Variants in MRGPRX3 observed in about 807,000 individuals in gnomAD.
The protein encoded by MRGPRX3 is mas-related G protein-coupled receptor member X3.
A neutral mutation model predicts 16.5 loss-of-function variants in MRGPRX3; 14 were observed. The observed-to-expected ratio is 0.85, with a 90% confidence interval of 0.56 to 1.33. The LOEUF is 1.33. Ranked by LOEUF, MRGPRX3 falls within the 40% of genes most tolerant of loss-of-function variation. The pLI, the probability that MRGPRX3 is intolerant of heterozygous loss-of-function variation, is 0.00. For synonymous variants in MRGPRX3, 199 were observed against 180.1 expected, an observed-to-expected ratio of 1.10 and a Z score of -0.84; for missense variants, 449 against 413.0, an observed-to-expected ratio of 1.09 and a Z score of -0.76.
At position 18,137,451 on chromosome 11, in the gene MRGPRX3, G is replaced by T; in HGVS notation, c.249G>T (p.Ser83=). Residue 83 remains serine, a synonymous_variant, in exon 2 of 2, where the codon TCG becomes TCT. Coordinates refer to ENST00000621697, the MANE Select transcript of MRGPRX3 (RefSeq NM_001370464.1). ...TCCTTAGCGGCCACATTATATGTTC[G>T]CCGTTACGCCTCATCAATATCCGCC... ...FLFLSGHIIC[S]PLRLINIRHP... is the part of the protein sequence containing the mutation. 3.1e-6 allele frequency: 5 copies of T among 1,614,058 alleles called. No individual in the cohort carries two copies. The highest frequency in any genetic ancestry group is 4.2e-6 in the Non-Finnish European group (5 of 1,180,016).
upstream of MRGPRX3, among the ~76,000 whole-genome samples, chr11:18,128,745 C>T (rs1848929381): frequency 6.6e-6 from 1 of 152,208 alleles, no homozygotes; most frequent in African/African-American, 2.4e-5. Flanking sequence ...TGATGTCTCG[C>T]CCTGCTTCGG....
At chr11:18,130,965 A>G (rs1351541496), upstream of MRGPRX3, among the ~76,000 whole-genome samples, 1 of 152,226 alleles carries the variant, frequency 6.6e-6, no homozygotes, top group Non-Finnish European at 1.5e-5. Context: ...TGGTGCTGAG[A>G]TTATTGGCAA....
chr11:18,135,894 A>G (rs1229037275), intron 1 of MRGPRX3, among the ~76,000 whole-genome samples: 2 of 152,130 alleles, frequency 1.3e-5, no homozygotes, highest in African/African-American at 2.4e-5. Context: ...CTCTAATTTC[A>G]TTATCTGCAA....
At chr11:18,121,590 GGATGGT>G (rs1403796517) in intron 1 of MRGPRX3, among the ~76,000 whole-genome samples, 14 of 152,360 alleles carry the variant, frequency 9.2e-5, no homozygotes, top group Admixed American at 8.5e-4. Context: ...TTGAGAAATC[GGATGGT>G]TGCCGTGTCT....
At chr11:18,122,880 T>C (rs1361639204) in intron 1 of MRGPRX3, among the ~76,000 whole-genome samples, 3 of 152,238 alleles carry the variant, frequency 2.0e-5, no homozygotes, top group Non-Finnish European at 2.9e-5. Context: ...ATTGCCATTC[T>C]AACTGGTGTG....
chr11:18,134,436 A>C (rs1466515121), intron 1 of MRGPRX3, among the ~76,000 whole-genome samples: 3 of 152,360 alleles, frequency 2.0e-5, no homozygotes, highest in Admixed American at 2.0e-4. Context: ...ACAAGAACTT[A>C]TATAGCATTT....
In MRGPRX3 at chr11:18,138,043, C is replaced by T. The variant is rs758794571; in HGVS notation, c.841C>T (p.Arg281Cys). ...CTTCTTCGTGGGCTCCTTTAGGCAG[C>T]GTCAAAATAGGCAGAACCTGAAGCT... ...IYFFVGSFRQ[R>C]QNRQNLKLVL... Residue 281 changes from arginine to cysteine, a missense_variant, in exon 2 of 2, where the codon CGT becomes TGT. Transcript: ENST00000621697. 5.9e-5 allele frequency: 96 copies of T among 1,614,024 alleles called. No homozygotes were observed. Among genetic ancestry groups the T allele is most frequent in the South Asian group, 7.7e-5 (7 of 91,080 alleles).
At chr11:18,136,975 A>C (rs1182991752) in intron 1 of MRGPRX3, among the ~76,000 whole-genome samples, 1 of 152,170 alleles carries the variant, frequency 6.6e-6, no homozygotes, top group East Asian at 1.9e-4. Flanking sequence ...CTTGTGTGGC[A>C]GTAGAGAGAG....
rs777088997 is a variant in MRGPRX3, at chr11:18,138,103, G to A, written c.901G>A (p.Val301Met). 97 of 1,614,078 alleles carry A rather than the reference G, an allele frequency of 6.0e-5. No individual in the cohort carries two copies. Among genetic ancestry groups the A allele is most frequent in the Non-Finnish European group, 8.1e-5 (96 of 1,180,040 alleles). The change falls in exon 2 of 2, where the codon GTG (valine) becomes ATG (methionine). Residue 301 changes from valine (V) to methionine (M), a missense_variant. By Grantham distance (21) the Val-to-Met change is conservative (BLOSUM62 1). Transcript: ENST00000621697. ...LQRALQDTPE[V>M]DEGGGWLPQE... ...GAGGGCTCTGCAGGACACGCCTGAG[G>A]TGGATGAAGGTGGAGGGTGGCTTCC...
chr11:18,127,401 G>A (rs1012178316), intron 1 of MRGPRX3, among the ~76,000 whole-genome samples: 5 of 152,180 alleles, frequency 3.3e-5, no homozygotes, highest in Non-Finnish European at 7.4e-5. Context: ...GTCACTTTCA[G>A]ATACACCAAT....
rs528813615 is a variant in MRGPRX3, at chr11:18,125,693, G to A, written c.-152+4529G>A. Among the ~76,000 whole-genome samples the A allele has an allele frequency of 2.6e-5, 4 of 152,332 alleles. No homozygotes were observed. The East Asian group carries it at 5.8e-4, about 22-fold the overall frequency. Reference sequence around the variant, plus strand: ...ATTTGGGGTGGAGAGTTCTGTAGATGTCTATTAGGTCCGCTTGGTTCAGAG... The same window carrying A: ...ATTTGGGGTGGAGAGTTCTGTAGATATCTATTAGGTCCGCTTGGTTCAGAG... On this transcript the variant is annotated intron_variant, in intron 1 of 2. Transcript: ENST00000396275.
chr11:18,123,555 T>C (rs1200840358), intron 1 of MRGPRX3, among the ~76,000 whole-genome samples: 1 of 152,214 alleles, frequency 6.6e-6, no homozygotes, highest in African/African-American at 2.4e-5. Context: ...ATATCTCTGT[T>C]TTGGTACCAG....
chr11:18,138,355 A>G lies in MRGPRX3; in HGVS notation c.*184A>G. 2.3e-6 allele frequency: 2 copies of G among 855,928 alleles called. No homozygotes were observed. The highest frequency in any genetic ancestry group is 3.5e-6 in the Non-Finnish European group (2 of 570,034). The allele number at this position is 855,928 out of a possible 1,614,324, so 53.0% of individuals were successfully genotyped here. A position where few individuals can be genotyped will look rare whatever the true frequency, so the allele number is the denominator to read the frequency against. ...TTCACCCATGGAAAGCATTAGTCTG[A>G]CAGTACAATGTTTGGATTCTCCTTG... On this transcript the variant is annotated 3_prime_UTR_variant, in exon 2 of 2. Coordinates refer to ENST00000621697, the MANE Select transcript of MRGPRX3 (RefSeq NM_001370464.1).
chr11:18,123,131 G>A (rs1389640197), intron 1 of MRGPRX3, among the ~76,000 whole-genome samples: 1 of 152,214 alleles, frequency 6.6e-6, no homozygotes, highest in African/African-American at 2.4e-5. Flanking sequence ...CTCCCATTCT[G>A]TAGGTTGCCT....
chr11:18,133,547 G>A (rs1000901806), intron 1 of MRGPRX3, among the ~76,000 whole-genome samples: 5 of 152,098 alleles, frequency 3.3e-5, no homozygotes, highest in Admixed American at 1.3e-4. Flanking sequence ...TGATACTGAC[G>A]AGTTCTCATG....
In MRGPRX3 at chr11:18,138,161, T is replaced by C; in HGVS notation, c.959T>C (p.Leu320Ser). Residue 320 changes from leucine (L) to serine (S), a missense_variant, in exon 2 of 2, where the codon TTG becomes TCG. By Grantham distance (145) the Leu-to-Ser change is moderately radical. Coordinates refer to ENST00000621697, the MANE Select transcript of MRGPRX3 (RefSeq NM_001370464.1). ...QETLELSGSR[L>S]EQ ...ACCCTGGAGCTGTCGGGAAGCAGAT[T>C]GGAGCAGTGAGGAAGAACCTCTGCC... is the stretch of plus-strand genomic sequence containing the variant. 4 of 1,610,010 alleles carry C rather than the reference T, an allele frequency of 2.5e-6. No homozygotes were observed. The highest frequency in any genetic ancestry group is 3.4e-6 in the Non-Finnish European group (4 of 1,177,736).
At chr11:18,123,177 A>C (rs1436583572) in intron 1 of MRGPRX3, among the ~76,000 whole-genome samples, 1 of 152,136 alleles carries the variant, frequency 6.6e-6, no homozygotes, top group African/African-American at 2.4e-5. Flanking sequence ...GCTGTGCAGA[A>C]GCTCTTTAGT....
rs1400154045 is a variant in MRGPRX3 at position 18,137,850 on chromosome 11, G to A, written c.648G>A (p.Val216=). The A allele has an allele frequency of 1.2e-6, 2 of 1,614,202 alleles. No homozygotes were observed. Among genetic ancestry groups the A allele is most frequent in the Non-Finnish European group, 1.7e-6 (2 of 1,180,050 alleles). ...SRKMPLTRLY[V]TILLTVLVFL... ...AGATGCCGCTGACCAGGCTGTACGTGACCATCCTCCTCACAGTGCTGGTCT... is the reference window on the plus strand; with the variant it reads ...AGATGCCGCTGACCAGGCTGTACGTAACCATCCTCCTCACAGTGCTGGTCT... The change falls in exon 2 of 2, where the codon GTG becomes GTA. Residue 216 remains valine (V), a synonymous_variant. Coordinates refer to ENST00000621697, the MANE Select transcript of MRGPRX3 (RefSeq NM_001370464.1).
upstream of MRGPRX3, among the ~76,000 whole-genome samples, chr11:18,132,246 C>G (rs940047937): frequency 2.6e-5 from 4 of 152,138 alleles, no homozygotes; most frequent in Non-Finnish European, 5.9e-5. Flanking sequence ...AATATATCAC[C>G]ACTATGATAA....
Sources: allele counts gnomAD v4.1 joint callset (sites outside exome capture counted in the v4.1 genomes callset), GRCh38; gene constraint gnomAD v4.1.1; transcripts MANE v1.5; gene names NCBI Gene and HGNC (gene_info 2026-07-23, HGNC 2026-07-21).